The following NPTN variants were observed in gnomAD, a reference collection of about 807,000 sequenced individuals.
The protein encoded by NPTN is neuroplastin, also known as SDR-1.
A neutral mutation model predicts 42.7 loss-of-function variants in NPTN; 5 were observed. That is an observed-to-expected ratio of 0.12 (90% CI 0.06 to 0.25). The LOEUF (loss-of-function observed/expected upper bound fraction) is 0.25, where lower values mean the gene tolerates loss of function less well. NPTN is among the 10% of genes least tolerant of loss of function. The probability of loss-of-function intolerance (pLI) is 1.00; values close to 1 mark genes in which losing one functional copy is unlikely to be tolerated. For missense variants in NPTN, 307 were observed against 525.4 expected (o/e 0.58, Z 4.06); for synonymous variants, 180 against 201.9 (o/e 0.89, Z 0.92).
intron 1 of NPTN, among the ~76,000 whole-genome samples, chr15:73,602,102 C>T (rs1266346570): frequency 6.6e-6 from 1 of 151,936 alleles, no homozygotes; most frequent in African/African-American, 2.4e-5. Flanking sequence ...TCATATATGC[C>T]CTAAGGAAGT....
At chr15:73,605,260 G>C (rs1178827998) in intron 1 of NPTN, among the ~76,000 whole-genome samples, 1 of 151,654 alleles carries the variant, frequency 6.6e-6, no homozygotes, top group Admixed American at 6.6e-5. Flanking sequence ...TTTTCCAAAA[G>C]AAAAAAGCAC....
At position 73,569,375 on chromosome 15, in the gene NPTN, C is replaced by G. The variant is rs1895237632; in HGVS notation, c.1114+775G>C. 1.0e-6 allele frequency: 1 copy of G among 985,468 alleles called. No homozygotes were observed. Among genetic ancestry groups the G allele is most frequent in the Non-Finnish European group, 1.2e-6 (1 of 830,036 alleles). 61.0% of individuals were successfully genotyped at this position (985,468 alleles called of 1,614,324 possible). On this transcript the variant is annotated intron_variant, in intron 6 of 8. Transcript: ENST00000345330. This position sits in a 1 kb window ranked among gnomAD's most constrained non-coding sequence, Gnocchi z 4.1. ...CCTAAGATTTCAGCTCTTGCTCTTT[C>G]CAGTGCTCAGTGGTGTGCTGTGGTT... is the stretch of plus-strand genomic sequence containing the variant.
intron 1 of NPTN, among the ~76,000 whole-genome samples, chr15:73,604,936 G>C (rs1420530937): frequency 6.6e-6 from 1 of 151,978 alleles, no homozygotes; most frequent in Admixed American, 6.6e-5. Flanking sequence ...GTGAAATCCT[G>C]TCTCTACCAA....
Position 73,633,360 on chromosome 15 carries a change from C to T in NPTN, c.-145G>A. On this transcript the variant is annotated 5_prime_UTR_variant, in exon 1 of 9. Transcript: ENST00000345330. ...CGGCTCGGCTCCGTCCTTCCCCGTC[C>T]TCCTCCTGCCGCCGCAGCGCCCAGG... The T allele has an allele frequency of 1.8e-6, 1 of 543,912 alleles. No homozygotes were observed. Among genetic ancestry groups the T allele is most frequent in the Non-Finnish European group, 3.0e-6 (1 of 334,430 alleles). 33.7% of individuals were successfully genotyped at this position (543,912 alleles called of 1,614,324 possible).
At chr15:73,621,485 T>C (rs1277978876) in intron 1 of NPTN, among the ~76,000 whole-genome samples, 3 of 152,192 alleles carry the variant, frequency 2.0e-5, no homozygotes, top group South Asian at 2.1e-4. Flanking sequence ...TAAACAAGCA[T>C]GCCATTTAAA....
At chr15:73,567,848 G>C in intron 6 of NPTN, 1 of 985,400 alleles carries the variant, frequency 1.0e-6, no homozygotes, top group Non-Finnish European at 1.2e-6. Context: ...CAGCATCTCA[G>C]ATTTTTCACC....
At chr15:73,568,604 G>T in intron 6 of NPTN, 1 of 985,464 alleles carries the variant, frequency 1.0e-6, no homozygotes, top group Non-Finnish European at 1.2e-6. Context: ...GAGAGAAAAA[G>T]CATTAGGAGT....
chr15:73,572,460 C>T (rs1391791117), intron 5 of NPTN, among the ~76,000 whole-genome samples: 2 of 152,330 alleles, frequency 1.3e-5, no homozygotes, highest in East Asian at 1.9e-4. Flanking sequence ...AAAAGATGTT[C>T]TCTTTGACAT....
intron 1 of NPTN, among the ~76,000 whole-genome samples, chr15:73,605,392 T>A (rs1332573056): frequency 6.6e-6 from 1 of 151,884 alleles, no homozygotes; most frequent in African/African-American, 2.4e-5. Context: ...AAAAAAATCT[T>A]ACAAAAATAG....
intron 6 of NPTN, 106 bp from the exon 7 acceptor site, chr15:73,563,363 A>C (rs191830917): frequency 6.5e-7 from 1 of 1,546,370 alleles, no homozygotes; most frequent in East Asian, 2.3e-5. Context: ...TGCAAGTGGC[A>C]ATCATGGCTA....
chr15:73,599,346 T>C (rs1896972544), intron 1 of NPTN: 1 of 153,276 alleles, frequency 6.5e-6, no homozygotes, highest in Non-Finnish European at 1.4e-5. Flanking sequence ...CCGGGCGTGA[T>C]GGTTCACACC....
At chr15:73,567,946 C>A (rs993663902) in intron 6 of NPTN, 5 of 985,300 alleles carry the variant, frequency 5.1e-6, no homozygotes, top group Non-Finnish European at 6.0e-6. Context: ...TTGCACTTAC[C>A]CTGCCGTCAT....
intron 1 of NPTN, among the ~76,000 whole-genome samples, chr15:73,600,535 G>A (rs943285423): frequency 7.9e-5 from 12 of 152,130 alleles, no homozygotes; most frequent in African/African-American, 2.2e-4. Context: ...TTTTGCCCAC[G>A]GTCACAAGCT....
chr15:73,577,042 G>A (rs527563129), intron 4 of NPTN, among the ~76,000 whole-genome samples: 1 of 152,266 alleles, frequency 6.6e-6, no homozygotes, highest in East Asian at 1.9e-4. Flanking sequence ...TTGTGGGTTG[G>A]AAGTCCCCAA....
chr15:73,633,013 C>T (rs1898845573), intron 1 of NPTN, 112 bp downstream of exon 1: 1 of 746,838 alleles, frequency 1.3e-6, no homozygotes. Context: ...CCCTCAGACG[C>T]CCACTCGGCC....
chr15:73,585,712 G>C lies in NPTN; in HGVS notation c.706+1812C>G, dbSNP rs1015913733. Among the ~76,000 whole-genome samples the C allele has an allele frequency of 4.6e-5, 7 of 152,168 alleles. 1 individual carries two copies. Among genetic ancestry groups the C allele is most frequent in the African/African-American group, 1.4e-4 (6 of 41,434 alleles). ...CAAGGTGGTCCAGAATATGGTTTAA[G>C]ATATTTATAAAACAGAATTCCCTCA... On this transcript the variant is annotated intron_variant, in intron 4 of 8. Transcript: ENST00000345330.
chr15:73,614,876 A>C (rs1391820939), intron 1 of NPTN, among the ~76,000 whole-genome samples: 4 of 152,170 alleles, frequency 2.6e-5, no homozygotes, highest in Non-Finnish European at 5.9e-5. Flanking sequence ...ATTCTAAAAG[A>C]CTAGACTTTG....
intron 1 of NPTN, among the ~76,000 whole-genome samples, chr15:73,614,054 A>G (rs1315196300): frequency 6.6e-6 from 1 of 151,950 alleles, no homozygotes; most frequent in Non-Finnish European, 1.5e-5. Flanking sequence ...GCTCACGCCT[A>G]TAATCCCAGA....
chr15:73,625,357 C>CT (rs912982375), intron 1 of NPTN, among the ~76,000 whole-genome samples: 28 of 146,938 alleles, frequency 1.9e-4, no homozygotes, highest in Non-Finnish European at 2.3e-4. Flanking sequence ...TTCTAAAGAG[C>CT]TTTTTTTTTT....
Sources: gnomAD v4.1 joint callset for allele counts (sites outside exome capture counted in the v4.1 genomes callset) on GRCh38, gnomAD v4.1.1 for gene constraint, Gnocchi (gnomAD v3.1) non-coding constraint, MANE v1.5 for transcripts, NCBI Gene and HGNC (gene_info 2026-07-23, HGNC 2026-07-21) for gene names.